Variants in PDLIM5 observed in about 807,000 individuals in gnomAD.
PDLIM5 encodes PDZ and LIM domain 5.
A neutral mutation model predicts 64.2 loss-of-function variants in PDLIM5; 34 were observed. The ratio of observed to expected loss-of-function variants is 0.53; its 90% CI spans 0.40 to 0.71. The LOEUF (loss-of-function observed/expected upper bound fraction) is 0.71, where lower values mean the gene tolerates loss of function less well. PDLIM5 is among the 30% of genes least tolerant of loss of function. PDLIM5 has a pLI of 0.00. For missense variants in PDLIM5, 683 were observed against 733.6 expected (o/e 0.93, Z 0.80); for synonymous variants, 253 against 269.1 (o/e 0.94, Z 0.59).
chr4:94,497,636 T>C (rs1727521580), intron 2 of PDLIM5, among the ~76,000 whole-genome samples: 1 of 152,222 alleles, frequency 6.6e-6, no homozygotes, highest in Non-Finnish European at 1.5e-5. Flanking sequence ...AAAGCCTGTT[T>C]GTAGTTTGGT....
At chr4:94,567,141 C>T (rs529758027) in intron 3 of PDLIM5, among the ~76,000 whole-genome samples, 42 of 152,192 alleles carry the variant, frequency 2.8e-4, no homozygotes, top group East Asian at 1.2e-3. Flanking sequence ...TACAGGCGCC[C>T]GCCACCACAC....
intron 3 of PDLIM5, among the ~76,000 whole-genome samples, chr4:94,527,046 CTTTTTTTTTTTTTTTTTT>C (rs57625095): frequency 3.3e-4 from 19 of 57,812 alleles, no homozygotes; most frequent in Non-Finnish European, 3.2e-5. Context: ...GAACAGCATT[CTTTTTTTTTTTTTTTTTT>C]TTTTTTTTTT....
At chr4:94,543,222 G>A (rs1731982282) in intron 3 of PDLIM5, among the ~76,000 whole-genome samples, 1 of 151,932 alleles carries the variant, frequency 6.6e-6, no homozygotes, top group Non-Finnish European at 1.5e-5. Flanking sequence ...GTGCTGGCAG[G>A]ATCACATTCC....
At chr4:94,473,742 T>G (rs1457903327) in intron 2 of PDLIM5, among the ~76,000 whole-genome samples, 1 of 152,224 alleles carries the variant, frequency 6.6e-6, no homozygotes, top group African/African-American at 2.4e-5. Context: ...CTCTGCTGAT[T>G]GCAATGTTGT....
At chr4:94,490,182 TTAA>T (rs1346847742) in intron 2 of PDLIM5, among the ~76,000 whole-genome samples, 3 of 151,968 alleles carry the variant, frequency 2.0e-5, no homozygotes, top group Non-Finnish European at 2.9e-5. Flanking sequence ...TTAGTTAAAA[TTAA>T]TAAACAATTT....
At chr4:94,486,135 C>T (rs1388051676) in intron 2 of PDLIM5, among the ~76,000 whole-genome samples, 1 of 152,148 alleles carries the variant, frequency 6.6e-6, no homozygotes, top group African/African-American at 2.4e-5. Context: ...AGACCTGTAG[C>T]TTATCGTCTG....
At chr4:94,607,075 C>T (rs1737987891) in intron 7 of PDLIM5, among the ~76,000 whole-genome samples, 1 of 152,212 alleles carries the variant, frequency 6.6e-6, no homozygotes, top group African/African-American at 2.4e-5. Flanking sequence ...CTTAACCTTT[C>T]TGCTCTACCT....
intron 2 of PDLIM5, 50 bp from the exon 3 acceptor site, chr4:94,523,674 A>G: frequency 7.0e-7 from 1 of 1,433,048 alleles, no homozygotes; most frequent in Non-Finnish European, 9.7e-7. Flanking sequence ...ATCAGCATTT[A>G]TTATTCTTTT....
chr4:94,652,103 G>A (rs973058556), intron 9 of PDLIM5, among the ~76,000 whole-genome samples: 9 of 152,114 alleles, frequency 5.9e-5, no homozygotes, highest in African/African-American at 1.4e-4. Context: ...ATATTTGATA[G>A]CATTGATAGA....
intron 1 of PDLIM5, among the ~76,000 whole-genome samples, chr4:94,454,638 T>G (rs996850123): frequency 2.6e-5 from 4 of 152,192 alleles, no homozygotes; most frequent in Non-Finnish European, 1.5e-5. Flanking sequence ...TAGATATCAC[T>G]TTAAGTGTGG....
chr4:94,649,760 C>A (rs560607497), intron 9 of PDLIM5, among the ~76,000 whole-genome samples: 1 of 152,310 alleles, frequency 6.6e-6, no homozygotes, highest in African/African-American at 2.4e-5. Context: ...TATTGAATTA[C>A]ATTTATCCTG....
chr4:94,635,727 G>T lies in PDLIM5; in HGVS notation c.1109-4549G>T, dbSNP rs144716925. Among the ~76,000 whole-genome samples, 889 of 152,230 alleles carry T rather than the reference G, an allele frequency of 5.8e-3. 9 individuals are homozygous for T. The highest frequency in any genetic ancestry group is 0.02 in the African/African-American group (839 of 41,532). ...ACCCTGTTACACGTCCCTCTTCCCC[G>T]TAAGCCAAGTGAGCAGAGACTAGGA... On this transcript the variant is annotated intron_variant, in intron 8 of 12. Transcript: ENST00000317968.
intron 2 of PDLIM5, among the ~76,000 whole-genome samples, chr4:94,499,603 C>T (rs953269809): frequency 2.6e-5 from 4 of 152,090 alleles, no homozygotes; most frequent in South Asian, 4.2e-4. Context: ...TAGGCAGATG[C>T]GTGTAGGTTA....
At chr4:94,658,998 A>G (rs1426584395) in intron 11 of PDLIM5, among the ~76,000 whole-genome samples, 1 of 152,256 alleles carries the variant, frequency 6.6e-6, no homozygotes, top group Non-Finnish European at 1.5e-5. Flanking sequence ...GCCAAAACAC[A>G]TAAAACAGTC....
chr4:94,473,440 T>G lies in PDLIM5; in HGVS notation c.96+18056T>G, dbSNP rs1253420176. Among the ~76,000 whole-genome samples, 3 of 152,076 alleles carry G rather than the reference T, an allele frequency of 2.0e-5. No individual in the cohort carries two copies. The East Asian group carries it at 5.8e-4, about 29-fold the overall frequency. On this transcript the variant is annotated intron_variant, in intron 2 of 12. Coordinates refer to ENST00000317968, the MANE Select transcript of PDLIM5 (RefSeq NM_006457.5). The stretch of plus-strand genomic sequence containing the variant: ...CCATGCCAGGCTAACTTTTGTATTT[T>G]TAGTAGAGACAGGGTTTCACCATGT...
intron 4 of PDLIM5, 24 bp downstream of exon 4, chr4:94,573,417 G>C (rs770518356): frequency 5.7e-6 from 9 of 1,581,398 alleles, no homozygotes; most frequent in Middle Eastern, 1.7e-4. Flanking sequence ...CTAGCACCCA[G>C]AGTATCACTT....
chr4:94,532,927 C>T (rs1204373829), intron 3 of PDLIM5, among the ~76,000 whole-genome samples: 2 of 152,032 alleles, frequency 1.3e-5, no homozygotes, highest in African/African-American at 2.4e-5. Flanking sequence ...TACTTGAGCC[C>T]GGGAGGCAGA....
chr4:94,660,461 G>GC lies in PDLIM5; in HGVS notation c.1586-1953dup, dbSNP rs375930550. 1.6e-3 allele frequency among the ~76,000 whole-genome samples: 239 copies of GC among 151,204 alleles called. 3 individuals are homozygous for GC. Among genetic ancestry groups the GC allele is most frequent in the East Asian group, 9.1e-3 (47 of 5,140 alleles). On this transcript the variant is annotated intron_variant, in intron 11 of 12. Transcript: ENST00000317968. ...TTCTAATTTTCCTTAATAGTGTAGT[G>GC]CCCCCCCCAATTATTTTGTATTAAA...
chr4:94,559,463 T>C (rs76774970), intron 3 of PDLIM5, among the ~76,000 whole-genome samples: 1 of 152,234 alleles, frequency 6.6e-6, no homozygotes, highest in Non-Finnish European at 1.5e-5. Context: ...CAGTGAATCA[T>C]GCTACATCTT....
Sources: gnomAD v4.1 joint callset for allele counts (sites outside exome capture counted in the v4.1 genomes callset) on GRCh38, gnomAD v4.1.1 for gene constraint, MANE v1.5 for transcripts, NCBI Gene and HGNC (gene_info 2026-07-23, HGNC 2026-07-21) for gene names.